Variants in CNGB3 observed in about 807,000 individuals in gnomAD.
The protein encoded by CNGB3 is cyclic nucleotide gated channel subunit beta 3.
A neutral mutation model predicts 92.8 loss-of-function variants in CNGB3; 86 were observed. The ratio of observed to expected loss-of-function variants is 0.93; its 90% CI spans 0.78 to 1.11. The LOEUF (loss-of-function observed/expected upper bound fraction) is 1.11, where lower values mean the gene tolerates loss of function less well. CNGB3 is among the 50% of genes least tolerant of loss of function. The probability of loss-of-function intolerance (pLI) is 0.00; values close to 1 mark genes in which losing one functional copy is unlikely to be tolerated. For synonymous variants in CNGB3, 333 were observed against 332.7 expected, an observed-to-expected ratio of 1.00 and a Z score of -0.01; for missense variants, 1,026 against 956.8, an observed-to-expected ratio of 1.07 and a Z score of -0.95.
Position 86,667,079 on chromosome 8 carries a change from C to G in CNGB3, c.698G>C (p.Cys233Ser). The G allele has an allele frequency of 6.2e-7, 1 of 1,614,052 alleles. No homozygotes were observed. The highest frequency in any genetic ancestry group is 2.2e-5 in the East Asian group (1 of 44,876). ...GACGAGGCGCAGTGGTATAAAACAG[C>G]AGTTCCAGTTATAGGCAAGAGTGAC... ...LLVTLAYNWN[C>S]CFIPLRLVFP... The change falls in exon 6 of 18, where the codon TGC (cysteine) becomes TCC (serine). Residue 233 changes from cysteine to serine, a missense_variant. Coordinates refer to ENST00000320005, the MANE Select transcript of CNGB3 (RefSeq NM_019098.5).
chr8:86,654,769 C>T (rs934581910), intron 6 of CNGB3, among the ~76,000 whole-genome samples: 3 of 152,092 alleles, frequency 2.0e-5, no homozygotes, highest in Admixed American at 6.6e-5. Context: ...TCCTACTTTT[C>T]AGTTTTCTTG....
intron 13 of CNGB3, among the ~76,000 whole-genome samples, chr8:86,613,900 ATG>A: frequency 6.8e-6 from 1 of 147,804 alleles, no homozygotes; most frequent in East Asian, 1.9e-4. Context: ...AAAATTATAT[ATG>A]TATATATAAT....
intron 14 of CNGB3, among the ~76,000 whole-genome samples, chr8:86,611,130 T>A (rs2131565308): frequency 6.6e-6 from 1 of 152,284 alleles, no homozygotes; most frequent in Admixed American, 6.5e-5. Flanking sequence ...TATTTTAAAA[T>A]AATGAACATG....
At chr8:86,720,839 T>TACACAC (rs4024071) in intron 3 of CNGB3, among the ~76,000 whole-genome samples, 2,545 of 129,614 alleles carry the variant, frequency 0.02, 44 homozygotes, top group Non-Finnish European at 0.03. Flanking sequence ...TATATATGTA[T>TACACAC]ACACACACAC....
Position 86,668,067 on chromosome 8 carries a change from C to T in CNGB3, c.595G>A (p.Glu199Lys), listed in dbSNP as rs114305748. ...WFKVKKMPLT[E>K]YLKRIKLPNS... ...GGAAGTTTAATTCGCTTTAAGTACT[C>T]TGTTAAAGGCATCTTTTTGACTTTG... The change falls in exon 5 of 18, where the codon GAG becomes AAG. Residue 199 changes from glutamate to lysine, a missense_variant. Glu to Lys is a moderately conservative substitution (Grantham distance 56). Transcript: ENST00000320005. 3.2e-3 allele frequency: 5,124 copies of T among 1,613,676 alleles called. 145 individuals carry two copies. In the African/African-American group the frequency reaches 0.061, roughly 19 times the overall value.
chr8:86,713,522 A>G (rs1479751599), intron 3 of CNGB3, among the ~76,000 whole-genome samples: 2 of 152,202 alleles, frequency 1.3e-5, no homozygotes, highest in African/African-American at 4.8e-5. Flanking sequence ...ATGTTCAAAT[A>G]TACTGTATCC....
At chr8:86,697,707 A>T (rs1219920184) in intron 3 of CNGB3, among the ~76,000 whole-genome samples, 1 of 152,198 alleles carries the variant, frequency 6.6e-6, no homozygotes, top group Non-Finnish European at 1.5e-5. Context: ...TTTGTTACAT[A>T]TGTATACATG....
In CNGB3 at chr8:86,626,014, A is replaced by G; in HGVS notation, c.1547T>C (p.Phe516Ser). The stretch of plus-strand genomic sequence containing the variant: ...CAAGTCGACTTTGCTGATGATGCTG[A>G]AGTTCACATCAATGGCGAGGGCTAA... ...VQLALAIDVN[F>S]SIISKVDLFK... The change falls in exon 13 of 18, where the codon TTC (phenylalanine) becomes TCC (serine). Residue 516 changes from phenylalanine (F) to serine (S), a missense_variant. Phe to Ser is a radical substitution (Grantham distance 155, BLOSUM62 -2). Transcript: ENST00000320005. The G allele has an allele frequency of 6.2e-7, 1 of 1,613,898 alleles. No individual in the cohort carries two copies. Among genetic ancestry groups the G allele is most frequent in the Non-Finnish European group, 8.5e-7 (1 of 1,179,892 alleles).
At chr8:86,589,743 A>G (rs1336792681) in intron 15 of CNGB3, among the ~76,000 whole-genome samples, 1 of 151,900 alleles carries the variant, frequency 6.6e-6, no homozygotes, top group Non-Finnish European at 1.5e-5. Context: ...TTTGCTGAGG[A>G]GAGCTTTACT....
intron 15 of CNGB3, among the ~76,000 whole-genome samples, chr8:86,600,596 C>T (rs1443668592): frequency 6.7e-6 from 1 of 150,230 alleles, no homozygotes; most frequent in Non-Finnish European, 1.5e-5. Context: ...TGGATAAATT[C>T]TAGTTCCTTT....
At chr8:86,659,303 T>A in intron 6 of CNGB3, 1 of 1,106,046 alleles carries the variant, frequency 9.0e-7, no homozygotes, top group Non-Finnish European at 1.4e-6. Flanking sequence ...CCAGGTGTGC[T>A]TCCAGCTGTG....
intron 8 of CNGB3, among the ~76,000 whole-genome samples, chr8:86,645,350 T>C (rs1458184168): frequency 6.6e-6 from 1 of 151,246 alleles, no homozygotes; most frequent in African/African-American, 2.4e-5. Context: ...CTCTTTTGTT[T>C]CTATAGGCAG....
At chr8:86,616,038 G>A (rs769806832) in intron 13 of CNGB3, among the ~76,000 whole-genome samples, 59 of 152,268 alleles carry the variant, frequency 3.9e-4, no homozygotes, top group Non-Finnish European at 5.0e-4. Context: ...AATGGGAAAC[G>A]TGAGACCAAC....
At chr8:86,613,821 A>G (rs1822563338) in intron 13 of CNGB3, among the ~76,000 whole-genome samples, 2 of 150,216 alleles carry the variant, frequency 1.3e-5, no homozygotes, top group Admixed American at 6.7e-5. Context: ...CATGGGAAAT[A>G]TTAGTGATTT....
chr8:86,712,762 T>C (rs1419787009), intron 3 of CNGB3, among the ~76,000 whole-genome samples: 1 of 151,258 alleles, frequency 6.6e-6, no homozygotes, highest in East Asian at 1.9e-4. Flanking sequence ...TTAATTTTTT[T>C]TTTTTTTTTT....
At chr8:86,631,466 A>G (rs1245450521) in intron 11 of CNGB3, among the ~76,000 whole-genome samples, 2 of 152,216 alleles carry the variant, frequency 1.3e-5, no homozygotes, top group East Asian at 3.9e-4. Flanking sequence ...TGTATGAATC[A>G]GGGATGCCTC....
intron 3 of CNGB3, among the ~76,000 whole-genome samples, chr8:86,725,901 A>G (rs1586038872): frequency 6.6e-6 from 1 of 152,254 alleles, no homozygotes. Flanking sequence ...GCAGGTACAT[A>G]ATACCATGCC....
intron 3 of CNGB3, among the ~76,000 whole-genome samples, chr8:86,707,196 C>T (rs1824665713): frequency 6.6e-6 from 1 of 152,014 alleles, no homozygotes; most frequent in Admixed American, 6.6e-5. Context: ...CTATTATATG[C>T]CAGAAAGTCT....
intron 3 of CNGB3, among the ~76,000 whole-genome samples, chr8:86,676,146 T>A (rs1486151237): frequency 6.6e-6 from 1 of 152,206 alleles, no homozygotes; most frequent in Non-Finnish European, 1.5e-5. Flanking sequence ...TTGTTAGGAC[T>A]CTAAGAAAGT....
Sources: allele counts gnomAD v4.1 joint callset (sites outside exome capture counted in the v4.1 genomes callset), GRCh38; gene constraint gnomAD v4.1.1; transcripts MANE v1.5; gene names NCBI Gene and HGNC (gene_info 2026-07-23, HGNC 2026-07-21).